The following SEZ6L variants were observed in gnomAD, a reference collection of about 807,000 sequenced individuals.
SEZ6L encodes the protein seizure 6-like protein.
In SEZ6L, 37 loss-of-function variants were observed where a neutral mutation model predicts 106.2. That is an observed-to-expected ratio of 0.35 (90% CI 0.27 to 0.46). The LOEUF (loss-of-function observed/expected upper bound fraction) is 0.46, where lower values mean the gene tolerates loss of function less well. SEZ6L is among the 20% of genes least tolerant of loss of function. The pLI is 1.00. For synonymous variants in SEZ6L, 541 were observed against 570.4 expected, an observed-to-expected ratio of 0.95 and a Z score of 0.73; for missense variants, 1,172 against 1,332.8, an observed-to-expected ratio of 0.88 and a Z score of 1.88.
chr22:26,171,607 G>C (rs1184259584), intron 1 of SEZ6L, among the ~76,000 whole-genome samples: 1 of 152,196 alleles, frequency 6.6e-6, no homozygotes, highest in Non-Finnish European at 1.5e-5. Context: ...TGTAAGAGCA[G>C]GGGGAGACAT....
intron 11 of SEZ6L, among the ~76,000 whole-genome samples, chr22:26,348,679 A>G (rs866275188): frequency 8.4e-5 from 6 of 71,144 alleles, no homozygotes; most frequent in East Asian, 7.7e-4. Flanking sequence ...AGAAAGAAAG[A>G]AAGAAAGAAA....
intron 1 of SEZ6L, among the ~76,000 whole-genome samples, chr22:26,248,563 T>G (rs1014451809): frequency 2.0e-5 from 3 of 152,142 alleles, no homozygotes; most frequent in African/African-American, 7.2e-5. Context: ...GAAAATGAGG[T>G]TCAGAGAGGT....
intron 12 of SEZ6L, among the ~76,000 whole-genome samples, chr22:26,363,908 C>T (rs2083719508): frequency 6.6e-6 from 1 of 152,196 alleles, no homozygotes; most frequent in African/African-American, 2.4e-5. Flanking sequence ...AGAAGCCAGT[C>T]ACAGAAGGCA....
At position 26,273,774 on chromosome 22, in the gene SEZ6L, C is replaced by A. The variant is rs528790352; in HGVS notation, c.95-18632C>A. 3.9e-5 allele frequency among the ~76,000 whole-genome samples: 6 copies of A among 152,274 alleles called. No homozygotes were observed. In the East Asian group the frequency reaches 1.2e-3, roughly 29 times the overall value. On this transcript the variant is annotated intron_variant, in intron 1 of 16. Coordinates refer to ENST00000248933, the MANE Select transcript of SEZ6L (RefSeq NM_021115.5). ...GATTACAGGATGACTGGGAGCTGGG[C>A]TGCCGTGGGGTGAGATGGTGCAGGA...
chr22:26,329,095 G>A (rs188349329), intron 9 of SEZ6L, among the ~76,000 whole-genome samples: 30 of 152,270 alleles, frequency 2.0e-4, no homozygotes, highest in Admixed American at 1.2e-3. Flanking sequence ...GTGGACAAGC[G>A]TTTTGGTGAA....
At chr22:26,201,916 G>T (rs1392976408) in intron 1 of SEZ6L, among the ~76,000 whole-genome samples, 2 of 152,044 alleles carry the variant, frequency 1.3e-5, no homozygotes, top group Non-Finnish European at 2.9e-5. Context: ...GTTGTTGTTT[G>T]TTTGTTTGTT....
intron 1 of SEZ6L, among the ~76,000 whole-genome samples, chr22:26,194,507 T>A (rs1391183426): frequency 6.6e-6 from 1 of 152,150 alleles, no homozygotes; most frequent in Non-Finnish European, 1.5e-5. Flanking sequence ...GGATTGCAGG[T>A]CAACTGTTTG....
In SEZ6L at chr22:26,292,681, C is replaced by A; in HGVS notation, c.370C>A (p.Gln124Lys). The A allele has an allele frequency of 3.1e-6, 5 of 1,613,568 alleles. No homozygotes were observed. In the South Asian group the frequency reaches 4.4e-5, roughly 14 times the overall value. The change falls in exon 2 of 17, where the codon CAG (glutamine) becomes AAG (lysine). Residue 124 changes from glutamine (Q) to lysine (K), a missense_variant. This residue lies in a region of SEZ6L where 494 missense variants were observed against 445.8 expected (regional missense o/e 1.11). Coordinates refer to ENST00000248933, the MANE Select transcript of SEZ6L (RefSeq NM_021115.5). Reference sequence around the variant, plus strand: ...CAAGAAGAAACTGCCTTCGCTCAAGCAGGTGAACTCTGCCAGGAAGCAGCT... The same window carrying A: ...CAAGAAGAAACTGCCTTCGCTCAAGAAGGTGAACTCTGCCAGGAAGCAGCT... The part of the protein sequence containing the change: ...PPKKKLPSLK[Q>K]VNSARKQLRP...
chr22:26,311,991 G>A (rs769488229), intron 8 of SEZ6L, 29 bp downstream of exon 8: 38 of 1,601,950 alleles, frequency 2.4e-5, no homozygotes, highest in South Asian at 3.3e-5. Flanking sequence ...CTCTTCCCAC[G>A]GCACCCCAGG....
chr22:26,281,500 G>A (rs1412381077), intron 1 of SEZ6L, among the ~76,000 whole-genome samples: 1 of 150,766 alleles, frequency 6.6e-6, no homozygotes, highest in East Asian at 2.0e-4. Flanking sequence ...TCAACCTCCC[G>A]AGTAGCTGGG....
In SEZ6L at chr22:26,331,518, A is replaced by G. The variant is rs1048378757; in HGVS notation, c.2016-8918A>G. On this transcript the variant is annotated intron_variant, in intron 9 of 16. Coordinates refer to ENST00000248933, the MANE Select transcript of SEZ6L (RefSeq NM_021115.5). ...GATCTTTCTAAATATTTCAAAAACC[A>G]TAACAGAAAGCTTTTATCTATCAAA... Among the ~76,000 whole-genome samples, 5 of 152,344 alleles carry G rather than the reference A, an allele frequency of 3.3e-5. No homozygotes were observed. In the East Asian group the frequency reaches 7.7e-4, roughly 23 times the overall value.
chr22:26,351,540 T>TGTTG (rs11281026), intron 12 of SEZ6L: 48,883 of 237,908 alleles, frequency 0.21, 6,126 homozygotes, highest in East Asian at 0.42. Flanking sequence ...TTTGTTTGTT[T>TGTTG]GTTTGTTGGT....
chr22:26,363,868 A>G (rs576461624), intron 12 of SEZ6L, among the ~76,000 whole-genome samples: 1 of 152,356 alleles, frequency 6.6e-6, no homozygotes, highest in East Asian at 1.9e-4. Flanking sequence ...TGCAACCTAG[A>G]TGAACCTTGA....
At chr22:26,212,974 A>C (rs1015463104) in intron 1 of SEZ6L, among the ~76,000 whole-genome samples, 2 of 152,192 alleles carry the variant, frequency 1.3e-5, no homozygotes, top group African/African-American at 4.8e-5. Context: ...ACATGGGCTG[A>C]AGGTCCAGAT....
intron 1 of SEZ6L, among the ~76,000 whole-genome samples, chr22:26,198,206 G>A (rs2086994109): frequency 6.6e-6 from 1 of 152,242 alleles, no homozygotes; most frequent in Admixed American, 6.5e-5. Flanking sequence ...TTTTGCTTCT[G>A]TGAAACAGAG....
At chr22:26,343,499 A>G (rs1185217342) in intron 10 of SEZ6L, among the ~76,000 whole-genome samples, 1 of 152,212 alleles carries the variant, frequency 6.6e-6, no homozygotes, top group Non-Finnish European at 1.5e-5. Context: ...TTTAACATAT[A>G]TTATTTTATT....
chr22:26,351,442 T>C (rs2083275258), intron 12 of SEZ6L, 199 bp downstream of exon 12: 3 of 502,856 alleles, frequency 6.0e-6, no homozygotes, highest in Middle Eastern at 5.0e-4. Flanking sequence ...TATCACGCGT[T>C]GCTCTAAGTC....
At position 26,375,917 on chromosome 22, in the gene SEZ6L, CA is replaced by C. The variant is rs1384358659; in HGVS notation, c.2942+230del. Among the ~76,000 whole-genome samples, 3 of 152,302 alleles carry C rather than the reference CA, an allele frequency of 2.0e-5. No individual in the cohort carries two copies. The South Asian group carries it at 6.2e-4, about 32-fold the overall frequency. On this transcript the variant is annotated intron_variant, in intron 15 of 16. Coordinates refer to ENST00000248933, the MANE Select transcript of SEZ6L (RefSeq NM_021115.5). ...GTAAGACAAATACTATTCCTGCCCT[CA>C]AGGAGGTTATGGTTTAGTGGGGCAC... is the stretch of plus-strand genomic sequence containing the variant.
At chr22:26,274,756 T>C (rs1047978205) in intron 1 of SEZ6L, among the ~76,000 whole-genome samples, 2 of 152,170 alleles carry the variant, frequency 1.3e-5, no homozygotes, top group African/African-American at 2.4e-5. Flanking sequence ...TGGGGCCCCA[T>C]GGACAGCACT....
Sources: allele counts gnomAD v4.1 joint callset (sites outside exome capture counted in the v4.1 genomes callset), GRCh38; gene constraint gnomAD v4.1.1; regional missense constraint gnomAD v4.1.1; transcripts MANE v1.5; gene names NCBI Gene and HGNC (gene_info 2026-07-23, HGNC 2026-07-21).